CTIF: variants seen among roughly 807,000 people sequenced by gnomAD.
CTIF encodes CBP80/20-dependent translation initiation factor.
Under a neutral mutation model 66.0 loss-of-function variants are expected in CTIF, and 21 were observed. The ratio of observed to expected loss-of-function variants is 0.32; its 90% CI spans 0.23 to 0.46. The LOEUF (loss-of-function observed/expected upper bound fraction) is 0.46. CTIF is among the 20% of genes least tolerant of loss of function. The pLI is 1.00. For missense variants in CTIF, 739 were observed against 812.7 expected (o/e 0.91, Z 1.10); for synonymous variants, 345 against 326.4 (o/e 1.06, Z -0.62).
At chr18:48,833,650 C>G (rs8096729) in intron 10 of CTIF, among the ~76,000 whole-genome samples, 16,543 of 152,012 alleles carry the variant, frequency 0.11, 3,094 homozygotes, top group African/African-American at 0.38. Flanking sequence ...AAAATGTGTG[C>G]CCCAAAGGAA....
intron 7 of CTIF, among the ~76,000 whole-genome samples, chr18:48,727,665 A>G (rs1407813272): frequency 6.6e-6 from 1 of 152,210 alleles, no homozygotes; most frequent in African/African-American, 2.4e-5. Flanking sequence ...CTGAGGGACA[A>G]TGCCCTTAAG....
chr18:48,589,904 T>C (rs1252732459), intron 1 of CTIF, among the ~76,000 whole-genome samples: 1 of 152,228 alleles, frequency 6.6e-6, no homozygotes, highest in East Asian at 1.9e-4. Context: ...TTTTCCCCTT[T>C]GGAAACTAAG....
At chr18:48,777,323 C>T (rs554690430) in intron 9 of CTIF, among the ~76,000 whole-genome samples, 1 of 152,348 alleles carries the variant, frequency 6.6e-6, no homozygotes, top group African/African-American at 2.4e-5. Context: ...ATCCTGGGGG[C>T]TGTCCCACAG....
intron 6 of CTIF, among the ~76,000 whole-genome samples, chr18:48,673,840 T>C (rs577292857): frequency 3.9e-5 from 6 of 152,240 alleles, no homozygotes; most frequent in African/African-American, 1.4e-4. Flanking sequence ...CTATCATTAG[T>C]GTATTTTATG....
chr18:48,738,001 T>TA (rs1373287812), intron 7 of CTIF, among the ~76,000 whole-genome samples: 1 of 152,236 alleles, frequency 6.6e-6, no homozygotes, highest in Non-Finnish European at 1.5e-5. Flanking sequence ...GGGTGTCTAA[T>TA]ACACTTCTCA....
At chr18:48,793,628 TTGTGTG>T (rs2067842986) in intron 9 of CTIF, among the ~76,000 whole-genome samples, 1 of 152,206 alleles carries the variant, frequency 6.6e-6, no homozygotes, top group African/African-American at 2.4e-5. Flanking sequence ...AGGGGGCTTC[TTGTGTG>T]CCCCCTTCTC....
chr18:48,554,431 C>A (rs1231121483), intron 1 of CTIF, among the ~76,000 whole-genome samples: 2 of 152,230 alleles, frequency 1.3e-5, no homozygotes, highest in East Asian at 3.9e-4. Context: ...TTGTCTGTCT[C>A]CTCCCAGGCC....
chr18:48,705,261 T>C (rs1157267849), intron 6 of CTIF, among the ~76,000 whole-genome samples: 1 of 152,096 alleles, frequency 6.6e-6, no homozygotes, highest in Non-Finnish European at 1.5e-5. Context: ...CTGCACTTCT[T>C]CCCAGCTTCC....
chr18:48,586,848 T>C (rs910733834), intron 1 of CTIF, among the ~76,000 whole-genome samples: 1 of 152,094 alleles, frequency 6.6e-6, no homozygotes, highest in Non-Finnish European at 1.5e-5. Flanking sequence ...TCCAAAGCGG[T>C]ATCAGGCCAC....
chr18:48,557,792 C>G (rs1411089095), intron 1 of CTIF, among the ~76,000 whole-genome samples: 3 of 152,236 alleles, frequency 2.0e-5, no homozygotes, highest in Non-Finnish European at 4.4e-5. Flanking sequence ...GACAGCTGCC[C>G]TCTTGCTGGG....
At chr18:48,668,620 C>T (rs985760905) in intron 5 of CTIF, among the ~76,000 whole-genome samples, 7 of 152,086 alleles carry the variant, frequency 4.6e-5, no homozygotes, top group African/African-American at 1.7e-4. Context: ...CCCTTGCACC[C>T]TGACCCCTAA....
Position 48,851,437 on chromosome 18 carries a change from G to A in CTIF, c.1528-6151G>A, listed in dbSNP as rs558162592. On this transcript the variant is annotated intron_variant, in intron 10 of 11. Coordinates refer to ENST00000256413, the MANE Select transcript of CTIF (RefSeq NM_014772.3). ...TCACTGTCAACACCCCTGGGACTCCGGGAGGCTTCCACGCAGCCCTGTCAG... is the reference window on the plus strand; with the variant it reads ...TCACTGTCAACACCCCTGGGACTCCAGGAGGCTTCCACGCAGCCCTGTCAG... Among the ~76,000 whole-genome samples, 8 of 152,302 alleles carry A rather than the reference G, an allele frequency of 5.3e-5. No homozygotes were observed. The South Asian group carries it at 6.2e-4, about 12-fold the overall frequency.
intron 6 of CTIF, among the ~76,000 whole-genome samples, chr18:48,684,486 T>G: frequency 6.6e-6 from 1 of 152,236 alleles, no homozygotes; most frequent in East Asian, 1.9e-4. Context: ...ATTATTATAC[T>G]GTTCTTTTTA....
rs577430567 is a variant in CTIF at position 48,558,305 on chromosome 18, G to A, written c.-29+18993G>A. Among the ~76,000 whole-genome samples the A allele has an allele frequency of 6.4e-4, 97 of 152,354 alleles. 4 individuals carry two copies. The South Asian group carries it at 0.019, about 31-fold the overall frequency. The stretch of plus-strand genomic sequence containing the variant: ...ACAAGTGAAGGGAGTATTCAGTATT[G>A]CTCTGCAGGAGGCTGAGTTTAATAA... On this transcript the variant is annotated intron_variant, in intron 1 of 11. Coordinates refer to ENST00000256413, the MANE Select transcript of CTIF (RefSeq NM_014772.3).
At chr18:48,851,861 G>C (rs1368368833) in intron 10 of CTIF, among the ~76,000 whole-genome samples, 1 of 151,974 alleles carries the variant, frequency 6.6e-6, no homozygotes, top group Non-Finnish European at 1.5e-5. Flanking sequence ...ATTTCTACCA[G>C]CAATTTTTAT....
chr18:48,657,701 T>TC (rs1420452417), intron 3 of CTIF, among the ~76,000 whole-genome samples: 5 of 151,438 alleles, frequency 3.3e-5, no homozygotes, highest in African/African-American at 1.2e-4. Context: ...AGAGGAAGAG[T>TC]CCTCAACTAG....
intron 7 of CTIF, among the ~76,000 whole-genome samples, chr18:48,740,929 C>G (rs1294787659): frequency 6.6e-6 from 1 of 152,202 alleles, no homozygotes; most frequent in Non-Finnish European, 1.5e-5. Context: ...AGAGTGTAGG[C>G]TCTCCTCAGC....
chr18:48,814,699 G>A (rs1420676966), intron 9 of CTIF, among the ~76,000 whole-genome samples: 3 of 152,216 alleles, frequency 2.0e-5, no homozygotes. Flanking sequence ...GGCAGGCAAT[G>A]TAATTCATTC....
chr18:48,635,430 C>T (rs1464452308), intron 2 of CTIF, among the ~76,000 whole-genome samples: 2 of 150,074 alleles, frequency 1.3e-5, no homozygotes, highest in East Asian at 2.0e-4. Context: ...CTTAAGCAAT[C>T]CTCCAGCCTC....
Sources: gnomAD v4.1 joint callset for allele counts (sites outside exome capture counted in the v4.1 genomes callset) on GRCh38, gnomAD v4.1.1 for gene constraint, MANE v1.5 for transcripts, NCBI Gene and HGNC (gene_info 2026-07-23, HGNC 2026-07-21) for gene names.